RADIL: variants seen among roughly 807,000 people sequenced by gnomAD.
RADIL encodes ras-associating and dilute domain-containing protein.
A neutral mutation model predicts 97.6 loss-of-function variants in RADIL; 99 were observed. The observed-to-expected ratio is 1.01, with a 90% CI of 0.86 to 1.20. The LOEUF is 1.20. Ranked by LOEUF, RADIL falls within the 50% of genes most tolerant of loss-of-function variation. RADIL has a pLI of 0.00. For synonymous variants in RADIL, 803 were observed against 691.8 expected (o/e 1.16, Z -2.52); for missense variants, 1,765 against 1,498.9 (o/e 1.18, Z -2.93).
chr7:4,862,231 T>C (rs1305319249), intron 2 of RADIL, among the ~76,000 whole-genome samples: 1 of 152,216 alleles, frequency 6.6e-6, no homozygotes, highest in Non-Finnish European at 1.5e-5. Flanking sequence ...CATCTAATTC[T>C]TTGCTCTCCA....
At chr7:4,805,512 G>C in intron 10 of RADIL, 54 bp downstream of exon 10, 1 of 1,497,636 alleles carries the variant, frequency 6.7e-7, no homozygotes, top group Non-Finnish European at 8.9e-7. Flanking sequence ...TCCAGCCTCG[G>C]GGCGAGTCTC....
intron 12 of RADIL, among the ~76,000 whole-genome samples, chr7:4,800,662 G>A (rs775283332): frequency 1.3e-5 from 2 of 152,120 alleles, no homozygotes; most frequent in Non-Finnish European, 2.9e-5. Flanking sequence ...TCCACACCCA[G>A]ATGTGGCCAT....
At position 4,818,070 on chromosome 7, in the gene RADIL, C is replaced by T. The variant is rs542018300; in HGVS notation, c.1616-719G>A. On this transcript the variant is annotated intron_variant, in intron 6 of 14. Coordinates refer to ENST00000399583, the MANE Select transcript of RADIL (RefSeq NM_018059.5). The surrounding 1 kb of genome is among the most constrained non-coding windows in gnomAD (Gnocchi z 7.1). The stretch of plus-strand genomic sequence containing the variant: ...CCGCCTTTGGGCGCCTTCATTCTCT[C>T]CTGGGACTGTGGGCGGCCAACCACA... Among the ~76,000 whole-genome samples the T allele has an allele frequency of 1.3e-5, 2 of 152,348 alleles. No homozygotes were observed. The highest frequency in any genetic ancestry group is 4.1e-4 in the South Asian group (2 of 4,834).
chr7:4,799,029 GC>G lies in RADIL; in HGVS notation c.*348del. The G allele has an allele frequency of 3.5e-6, 1 of 286,226 alleles. No homozygotes were observed. Among genetic ancestry groups the G allele is most frequent in the Non-Finnish European group, 6.8e-6 (1 of 146,834 alleles). 17.7% of individuals were successfully genotyped at this position (286,226 alleles called of 1,614,324 possible). ...TCTCCCGTGCCGGTGGCAGGCAGAG[GC>G]CATGGGGAGCCCCTGCGGCCCCTCC... On this transcript the variant is annotated 3_prime_UTR_variant, in exon 15 of 15. Coordinates refer to ENST00000399583, the MANE Select transcript of RADIL (RefSeq NM_018059.5).
At position 4,877,906 on chromosome 7, in the gene RADIL, G is replaced by A. The variant is rs1784407439; in HGVS notation, c.234C>T (p.Tyr78=). 2 of 1,606,198 alleles carry A rather than the reference G, an allele frequency of 1.2e-6. No homozygotes were observed. The highest frequency in any genetic ancestry group is 1.7e-6 in the Non-Finnish European group (2 of 1,179,964). Reference sequence around the variant, plus strand: ...AGGTGCCGGTGGCCAGGACGCTCTTGTAGTGGGTTCCTGTGCAGACACTGT... The same window carrying A: ...AGGTGCCGGTGGCCAGGACGCTCTTATAGTGGGTTCCTGTGCAGACACTGT... ...FGDSVCTGTH[Y]KSVLATGTSS... The change falls in exon 2 of 15, where the codon TAC becomes TAT. Residue 78 remains tyrosine (Y), a synonymous_variant. Coordinates refer to ENST00000399583, the MANE Select transcript of RADIL (RefSeq NM_018059.5).
Position 4,813,063 on chromosome 7 carries a change from A to G in RADIL, c.2139+2215T>C, listed in dbSNP as rs2115183255. 6.9e-6 allele frequency among the ~76,000 whole-genome samples: 1 copy of G among 144,842 alleles called. No individual in the cohort carries two copies. The highest frequency in any genetic ancestry group is 1.9e-4 in the East Asian group (1 of 5,130). ...ACAGCCTCTGCTTCATCCTTACCCC[A>G]AGGTTCTTCTTTCTCTCTCTCTCTC... On this transcript the variant is annotated intron_variant, in intron 9 of 14. Transcript: ENST00000399583. The surrounding 1 kb of genome is among the most constrained non-coding windows in gnomAD (Gnocchi z 5.0).
chr7:4,838,925 G>A (rs905613020), intron 2 of RADIL, among the ~76,000 whole-genome samples: 5 of 152,200 alleles, frequency 3.3e-5, no homozygotes, highest in Admixed American at 2.0e-4. Flanking sequence ...AGCAGGACCC[G>A]TGCACTCGTG....
At chr7:4,828,833 G>A (rs989881731) in intron 5 of RADIL, among the ~76,000 whole-genome samples, 7 of 152,238 alleles carry the variant, frequency 4.6e-5, no homozygotes, top group Admixed American at 4.6e-4. Context: ...GCACGAGCGG[G>A]CAGCTGCAGC....
intron 5 of RADIL, among the ~76,000 whole-genome samples, chr7:4,831,547 T>A (rs373411622): frequency 1.1e-4 from 5 of 44,276 alleles, no homozygotes; most frequent in African/African-American, 1.9e-4. Flanking sequence ...AAGTGGAAAA[T>A]AAATAAACTA....
chr7:4,831,356 G>A (rs966185159), intron 5 of RADIL, among the ~76,000 whole-genome samples: 1 of 152,004 alleles, frequency 6.6e-6, no homozygotes, highest in Admixed American at 6.6e-5. Flanking sequence ...ACAGAGAGGT[G>A]AGCAACAGAC....
rs1262023062 is a variant in RADIL at position 4,837,369 on chromosome 7, G to A, written c.536-764C>T. ...CAGGCGAAACTCCCCTGGGGGTGGTGCTCTGACGAGACGAGACGGACTGGT... is the reference window on the plus strand; with the variant it reads ...CAGGCGAAACTCCCCTGGGGGTGGTACTCTGACGAGACGAGACGGACTGGT... On this transcript the variant is annotated intron_variant, in intron 2 of 14. Transcript: ENST00000399583. This position sits in a 1 kb window ranked among gnomAD's most constrained non-coding sequence, Gnocchi z 5.6. Among the ~76,000 whole-genome samples the A allele has an allele frequency of 2.6e-5, 4 of 152,188 alleles. No homozygotes were observed. Among genetic ancestry groups the A allele is most frequent in the African/African-American group, 9.6e-5 (4 of 41,456 alleles).
intron 1 of RADIL, among the ~76,000 whole-genome samples, chr7:4,881,186 C>A (rs1217778035): frequency 6.9e-6 from 1 of 144,394 alleles, no homozygotes; most frequent in Non-Finnish European, 1.5e-5. Flanking sequence ...GAGGCTGAGG[C>A]GGGCAGATCA....
chr7:4,834,686 T>G lies in RADIL; in HGVS notation c.1337A>C (p.His446Pro). Reference sequence around the variant, plus strand: ...GCCCGGCTGGAAGTGGGTGGCCGAGTGCTGGATGCAGAGGCACAGGAGGAA... The same window carrying G: ...GCCCGGCTGGAAGTGGGTGGCCGAGGGCTGGATGCAGAGGCACAGGAGGAA... ...PAFLLCLCIQHSATHFQPGTF... is the reference protein window; with the variant it reads ...PAFLLCLCIQPSATHFQPGTF... The change falls in exon 4 of 15, where the codon CAC becomes CCC. Residue 446 changes from histidine (H) to proline (P), a missense_variant. Coordinates refer to ENST00000399583, the MANE Select transcript of RADIL (RefSeq NM_018059.5). The surrounding 1 kb of genome is among the most constrained non-coding windows in gnomAD (Gnocchi z 6.0). 7.2e-7 allele frequency: 1 copy of G among 1,387,776 alleles called. No homozygotes were observed. The highest frequency in any genetic ancestry group is 9.4e-7 in the Non-Finnish European group (1 of 1,065,228). 86.0% of individuals were successfully genotyped at this position (1,387,776 alleles called of 1,614,324 possible). A position where few individuals can be genotyped will look rare whatever the true frequency, so the allele number is the denominator to read the frequency against.
intron 2 of RADIL, among the ~76,000 whole-genome samples, chr7:4,855,550 C>A (rs1783806118): frequency 6.7e-6 from 1 of 150,016 alleles, no homozygotes. Context: ...TTCTCACTGG[C>A]ACCGCGTTCG....
At position 4,877,941 on chromosome 7, in the gene RADIL, C is replaced by A. The variant is rs750170084; in HGVS notation, c.199G>T (p.Val67Leu). ...TQLSAPGVLKVFGDSVCTGTH... is the reference protein window; with the variant it reads ...TQLSAPGVLKLFGDSVCTGTH... ...CCTGTGCAGACACTGTCCCCAAACA[C>A]CTTCAGGACACCAGGGGCCGACAGC... Residue 67 changes from valine (V) to leucine (L), a missense_variant, in exon 2 of 15, where the codon GTG (valine) becomes TTG (leucine). Val to Leu is a conservative substitution (Grantham distance 32). Transcript: ENST00000399583. 2 of 1,609,540 alleles carry A rather than the reference C, an allele frequency of 1.2e-6. No homozygotes were observed. Among genetic ancestry groups the A allele is most frequent in the Admixed American group, 3.3e-5 (2 of 59,994 alleles).
chr7:4,851,743 G>C lies in RADIL; in HGVS notation c.536-15138C>G, dbSNP rs950879382. ...GGCAACAGGAGAGAGAGAAATTAAA[G>C]AACTGTTCAGCAAAAAAAGAACCAG... On this transcript the variant is annotated intron_variant, in intron 2 of 14. Transcript: ENST00000399583. Among the ~76,000 whole-genome samples, 3 of 152,170 alleles carry C rather than the reference G, an allele frequency of 2.0e-5. No individual in the cohort carries two copies. The East Asian group carries it at 5.8e-4, about 29-fold the overall frequency.
rs1010416493 is a variant in RADIL at position 4,805,902 on chromosome 7, GC to G, written c.2140-187del. 3 of 985,242 alleles carry G rather than the reference GC, an allele frequency of 3.0e-6. No homozygotes were observed. The African/African-American group carries it at 5.2e-5, about 17-fold the overall frequency. 61.0% of individuals were successfully genotyped at this position (985,242 alleles called of 1,614,324 possible). A position where few individuals can be genotyped will look rare whatever the true frequency, so the allele number is the denominator to read the frequency against. On this transcript the variant is annotated intron_variant, in intron 9 of 14. Transcript: ENST00000399583. ...CAGTTCACCCCTGGCACTTCCAAGG[GC>G]AGCTGCTCCAGGGAGAGGCCGGCCA... is the stretch of plus-strand genomic sequence containing the variant.
In RADIL at chr7:4,799,330, C is replaced by G; in HGVS notation, c.*48G>C. On this transcript the variant is annotated 3_prime_UTR_variant, in exon 15 of 15. Coordinates refer to ENST00000399583, the MANE Select transcript of RADIL (RefSeq NM_018059.5). ...GAAGGCGGGAGGAAGCCCAGTGTCA[C>G]CAGGTGGGACCGGGTGCCGGGCCTG... 2 of 1,585,252 alleles carry G rather than the reference C, an allele frequency of 1.3e-6. No homozygotes were observed. Among genetic ancestry groups the G allele is most frequent in the Non-Finnish European group, 1.7e-6 (2 of 1,155,516 alleles).
In RADIL at chr7:4,822,609, A is replaced by T. The variant is rs1368390515; in HGVS notation, c.1455-55T>A. Reference sequence around the variant, plus strand: ...CGGGGACCCGACCCTCAGGAGGCTGAATCTACCACTCTTTCTACATAAGGA... The same window carrying T: ...CGGGGACCCGACCCTCAGGAGGCTGTATCTACCACTCTTTCTACATAAGGA... On this transcript the variant is annotated intron_variant, in intron 5 of 14. Transcript: ENST00000399583. The surrounding 1 kb of genome is among the most constrained non-coding windows in gnomAD (Gnocchi z 5.3). 6.4e-7 allele frequency: 1 copy of T among 1,569,878 alleles called. No homozygotes were observed. The highest frequency in any genetic ancestry group is 1.8e-5 in the Admixed American group (1 of 54,632).
Sources: allele counts gnomAD v4.1 joint callset (sites outside exome capture counted in the v4.1 genomes callset), GRCh38; gene constraint gnomAD v4.1.1; non-coding constraint Gnocchi (gnomAD v3.1); transcripts MANE v1.5; gene names NCBI Gene and HGNC (gene_info 2026-07-23, HGNC 2026-07-21).